Variants in CMTM7 observed in about 807,000 individuals in gnomAD.
CMTM7 encodes the protein CKLF-like MARVEL transmembrane domain-containing protein 7.
A neutral mutation model predicts 19.3 loss-of-function variants in CMTM7; 7 were observed. The ratio of observed to expected loss-of-function variants is 0.36; its 90% CI spans 0.21 to 0.68. CMTM7 has a LOEUF of 0.68. Ranked by LOEUF, CMTM7 falls within the 30% of genes least tolerant of loss-of-function variation. The probability of loss-of-function intolerance (pLI) is 0.60; values close to 1 mark genes in which losing one functional copy is unlikely to be tolerated. For synonymous variants in CMTM7, 87 were observed against 99.3 expected (o/e 0.88, Z 0.74); for missense variants, 193 against 232.6 (o/e 0.83, Z 1.11).
At chr3:32,443,562 C>G (rs1009996875) in intron 2 of CMTM7, among the ~76,000 whole-genome samples, 2 of 152,084 alleles carry the variant, frequency 1.3e-5, no homozygotes, top group East Asian at 3.9e-4. Flanking sequence ...GACATATTTT[C>G]ATTTTTCTCT....
chr3:32,411,529 A>G (rs572521264), intron 1 of CMTM7, among the ~76,000 whole-genome samples: 70 of 152,338 alleles, frequency 4.6e-4, no homozygotes, highest in African/African-American at 1.7e-3. Flanking sequence ...AATCCACACA[A>G]AAACTAAAAG....
chr3:32,437,734 T>C (rs973973301), intron 1 of CMTM7, among the ~76,000 whole-genome samples: 1 of 151,934 alleles, frequency 6.6e-6, no homozygotes, highest in Non-Finnish European at 1.5e-5. Context: ...CTACTAAAAA[T>C]ACAAAAATTA....
intron 1 of CMTM7, among the ~76,000 whole-genome samples, chr3:32,415,742 T>G (rs1157894858): frequency 6.6e-6 from 1 of 152,232 alleles, no homozygotes; most frequent in Non-Finnish European, 1.5e-5. Context: ...TCTCCAGAAG[T>G]TAGCTGGGTC....
intron 1 of CMTM7, among the ~76,000 whole-genome samples, chr3:32,432,739 C>T (rs1182231178): frequency 6.6e-6 from 1 of 152,200 alleles, no homozygotes; most frequent in East Asian, 1.9e-4. Context: ...GAGCTTGGTG[C>T]ACGGTGAGCG....
intron 3 of CMTM7, chr3:32,451,880 TG>T (rs1696837901): frequency 2.7e-6 from 1 of 373,400 alleles, no homozygotes; most frequent in East Asian, 7.2e-5. Flanking sequence ...TTGTTTAATA[TG>T]TACAAACGTA....
At chr3:32,437,504 G>A (rs112396823) in intron 1 of CMTM7, among the ~76,000 whole-genome samples, 1 of 152,190 alleles carries the variant, frequency 6.6e-6, no homozygotes, top group Non-Finnish European at 1.5e-5. Context: ...AGCTGAGGCA[G>A]GAGAATCGCT....
chr3:32,409,832 C>T (rs1479416816), intron 1 of CMTM7, among the ~76,000 whole-genome samples: 2 of 152,156 alleles, frequency 1.3e-5, no homozygotes, highest in African/African-American at 2.4e-5. Context: ...TTGCAAATGT[C>T]TTATCTGAAG....
At chr3:32,452,176 C>A in intron 3 of CMTM7, 1 of 1,507,342 alleles carries the variant, frequency 6.6e-7, no homozygotes, top group Non-Finnish European at 8.9e-7. Flanking sequence ...CAGCCCTGAC[C>A]TGGCCCAACC....
chr3:32,409,128 G>T (rs547518605), intron 1 of CMTM7, among the ~76,000 whole-genome samples: 9 of 152,184 alleles, frequency 5.9e-5, no homozygotes, highest in South Asian at 2.1e-4. Flanking sequence ...TGATACGCCC[G>T]CCTGGGCCTC....
At chr3:32,421,900 T>C (rs1696349262) in intron 1 of CMTM7, among the ~76,000 whole-genome samples, 1 of 152,250 alleles carries the variant, frequency 6.6e-6, no homozygotes, top group African/African-American at 2.4e-5. Flanking sequence ...AATCCTTGTA[T>C]TAACTCATTA....
chr3:32,404,909 A>C (rs1198166845), intron 1 of CMTM7, among the ~76,000 whole-genome samples: 1 of 152,240 alleles, frequency 6.6e-6, no homozygotes, highest in Non-Finnish European at 1.5e-5. Flanking sequence ...ATCAGGTAAA[A>C]GCCTTAGAAG....
intron 3 of CMTM7, chr3:32,450,901 G>A (rs1696820106): frequency 6.6e-6 from 1 of 152,218 alleles, no homozygotes; most frequent in Non-Finnish European, 1.5e-5. Context: ...GAGGAAGTTA[G>A]AAGAAATTTT....
Position 32,391,905 on chromosome 3 carries a change from C to T in CMTM7, c.-2C>T, listed in dbSNP as rs1695839883. ...AGGCGGCCAGCGAGCTGGGGCCGCGCAATGTCGCACGGAGCCGGGCTCGTC... is the reference window on the plus strand; with the variant it reads ...AGGCGGCCAGCGAGCTGGGGCCGCGTAATGTCGCACGGAGCCGGGCTCGTC... On this transcript the variant is annotated 5_prime_UTR_variant, in exon 1 of 5. Coordinates refer to ENST00000334983, the MANE Select transcript of CMTM7 (RefSeq NM_138410.4). The T allele has an allele frequency of 8.2e-7, 1 of 1,220,734 alleles. No individual in the cohort carries two copies. The highest frequency in any genetic ancestry group is 3.2e-5 in the East Asian group (1 of 30,792). The allele number at this position is 1,220,734 out of a possible 1,614,324, so 75.6% of individuals were successfully genotyped here.
chr3:32,402,270 C>G (rs1041411441), intron 1 of CMTM7, among the ~76,000 whole-genome samples: 9 of 152,082 alleles, frequency 5.9e-5, no homozygotes, highest in Non-Finnish European at 1.0e-4. Context: ...CGCCACCACG[C>G]CCAGCTAATT....
chr3:32,427,931 T>C (rs1234646250), intron 1 of CMTM7, among the ~76,000 whole-genome samples: 1 of 152,228 alleles, frequency 6.6e-6, no homozygotes, highest in Non-Finnish European at 1.5e-5. Flanking sequence ...GTGTCTGTCA[T>C]GCCCATAGCC....
chr3:32,455,459 T>C lies in CMTM7; in HGVS notation c.*1205T>C. 1 of 152,574 alleles carries C rather than the reference T, an allele frequency of 6.6e-6. No individual in the cohort carries two copies. Among genetic ancestry groups the C allele is most frequent in the African/African-American group, 2.4e-5 (1 of 41,574 alleles). 9.5% of individuals were successfully genotyped at this position (152,574 alleles called of 1,614,324 possible). ...GAAGCAGCCCCTGTGGGCTTTGAGC[T>C]GGAGCTCTGGGGCTACTCTTGTGGC... On this transcript the variant is annotated 3_prime_UTR_variant, in exon 5 of 5. Coordinates refer to ENST00000334983, the MANE Select transcript of CMTM7 (RefSeq NM_138410.4).
chr3:32,420,612 G>A (rs1178957958), intron 1 of CMTM7, among the ~76,000 whole-genome samples: 8 of 152,198 alleles, frequency 5.3e-5, no homozygotes, highest in African/African-American at 9.7e-5. Context: ...CTGGGGACAC[G>A]GTTGAAAAGG....
At chr3:32,425,282 T>C (rs1696413593) in intron 1 of CMTM7, among the ~76,000 whole-genome samples, 1 of 152,208 alleles carries the variant, frequency 6.6e-6, no homozygotes. Context: ...AAAAAGCTTA[T>C]GTCTCAGCAA....
intron 1 of CMTM7, among the ~76,000 whole-genome samples, chr3:32,412,717 G>A (rs59391234): frequency 0.014 from 2,094 of 151,718 alleles, 49 homozygotes; most frequent in African/African-American, 0.048. Flanking sequence ...TCACCCATGC[G>A]CCCACCATTC....
Sources: gnomAD v4.1 joint callset for allele counts (sites outside exome capture counted in the v4.1 genomes callset) on GRCh38, gnomAD v4.1.1 for gene constraint, MANE v1.5 for transcripts, NCBI Gene and HGNC (gene_info 2026-07-23, HGNC 2026-07-21) for gene names.